Variants in EBF1 observed in about 807,000 individuals in gnomAD.
EBF1 encodes transcription factor COE1.
EBF1 carries 10 observed loss-of-function variants against 68.4 expected under a neutral mutation model. The ratio of observed to expected loss-of-function variants is 0.15; its 90% CI spans 0.09 to 0.25. The LOEUF (loss-of-function observed/expected upper bound fraction) is 0.25. Ranked by LOEUF, EBF1 falls within the 10% of genes least tolerant of loss-of-function variation. EBF1 has a pLI of 1.00. For missense variants in EBF1, 509 were observed against 794.4 expected, an observed-to-expected ratio of 0.64 and a Z score of 4.32; for synonymous variants, 298 against 299.8, an observed-to-expected ratio of 0.99 and a Z score of 0.06.
intron 8 of EBF1, among the ~76,000 whole-genome samples, chr5:158,806,865 G>T (rs1006356352): frequency 1.3e-5 from 2 of 152,070 alleles, no homozygotes; most frequent in Non-Finnish European, 2.9e-5. Flanking sequence ...CCTAAATGAG[G>T]ACAGCTGACT....
chr5:158,827,291 T>C (rs970166631), intron 7 of EBF1, among the ~76,000 whole-genome samples: 2 of 152,230 alleles, frequency 1.3e-5, no homozygotes, highest in Admixed American at 6.5e-5. Flanking sequence ...GTTTCTTCTA[T>C]GTCCACTGCT....
chr5:158,765,254 A>G (rs943943761), intron 10 of EBF1, among the ~76,000 whole-genome samples: 2 of 152,300 alleles, frequency 1.3e-5, no homozygotes, highest in Admixed American at 1.3e-4. Context: ...GTAGAGAATT[A>G]TGAGAATTAC....
intron 6 of EBF1, among the ~76,000 whole-genome samples, chr5:158,888,670 C>T (rs1800525211): frequency 6.6e-6 from 1 of 152,060 alleles, no homozygotes; most frequent in African/African-American, 2.4e-5. Flanking sequence ...GAGAAGTCTG[C>T]AGTGGGAAAA....
chr5:158,886,836 T>C (rs956522467), intron 6 of EBF1, among the ~76,000 whole-genome samples: 2 of 152,152 alleles, frequency 1.3e-5, no homozygotes, highest in East Asian at 1.9e-4. Context: ...ACACGGTCTC[T>C]ACTACAAATA....
intron 5 of EBF1, among the ~76,000 whole-genome samples, chr5:159,080,284 C>T (rs144532296): frequency 6.6e-6 from 1 of 152,296 alleles, no homozygotes; most frequent in Non-Finnish European, 1.5e-5. Flanking sequence ...TTCCTCCCTT[C>T]TCTGAATAGA....
At chr5:158,945,970 AT>A (rs1814578792) in intron 6 of EBF1, among the ~76,000 whole-genome samples, 1 of 152,024 alleles carries the variant, frequency 6.6e-6, no homozygotes, top group African/African-American at 2.4e-5. Flanking sequence ...CACTTGATCA[AT>A]TTGGCTATTG....
intron 9 of EBF1, among the ~76,000 whole-genome samples, chr5:158,778,647 A>G (rs1775794265): frequency 6.6e-6 from 1 of 152,184 alleles, no homozygotes; most frequent in African/African-American, 2.4e-5. Context: ...GATGCGGCCA[A>G]TGGGTCCCTG....
intron 6 of EBF1, among the ~76,000 whole-genome samples, chr5:158,901,016 G>C (rs185342753): frequency 6.6e-6 from 1 of 152,260 alleles, no homozygotes; most frequent in African/African-American, 2.4e-5. Context: ...CTCAGATTCT[G>C]TTTATGCTCT....
At chr5:159,031,884 T>G (rs1332753547) in intron 6 of EBF1, among the ~76,000 whole-genome samples, 1 of 149,798 alleles carries the variant, frequency 6.7e-6, no homozygotes, top group Non-Finnish European at 1.5e-5. Context: ...CACTTTTAGT[T>G]AAAATATAAA....
At chr5:159,022,744 CA>C (rs1766958231) in intron 6 of EBF1, among the ~76,000 whole-genome samples, 1 of 151,880 alleles carries the variant, frequency 6.6e-6, no homozygotes, top group African/African-American at 2.4e-5. Flanking sequence ...GCTATTTAGG[CA>C]ATGCAACGCC....
chr5:158,895,067 C>CTTGTCCAAATTTATTTACCA (rs754476375), intron 6 of EBF1, among the ~76,000 whole-genome samples: 14 of 152,154 alleles, frequency 9.2e-5, no homozygotes, highest in Non-Finnish European at 1.6e-4. Flanking sequence ...CTATAAGAAT[C>CTTGTCCAAATTTATTTACCA]TTGTCCAAAT....
intron 8 of EBF1, among the ~76,000 whole-genome samples, chr5:158,804,199 A>G (rs1186189640): frequency 6.6e-6 from 1 of 151,852 alleles, no homozygotes; most frequent in African/African-American, 2.4e-5. Flanking sequence ...CACAGGCACT[A>G]TTTGGAAATG....
chr5:159,068,751 C>T lies in EBF1; in HGVS notation c.554+4645G>A, dbSNP rs183143481. ...AGATAATCATAAAACAAACCCAATT[C>T]GTGTTACCTAAATGGAAGTGATCTA... On this transcript the variant is annotated intron_variant, in intron 6 of 15. Coordinates refer to ENST00000313708, the MANE Select transcript of EBF1 (RefSeq NM_024007.5). 9.7e-4 allele frequency among the ~76,000 whole-genome samples: 148 copies of T among 152,114 alleles called. 1 individual carries two copies. Among genetic ancestry groups the T allele is most frequent in the African/African-American group, 3.3e-3 (136 of 41,520 alleles).
Position 159,096,150 on chromosome 5 carries a change from G to C in EBF1, c.355+193C>G. 9 of 619,542 alleles carry C rather than the reference G, an allele frequency of 1.5e-5. No homozygotes were observed. In the South Asian group the frequency reaches 1.6e-4, roughly 11 times the overall value. 38.4% of individuals were successfully genotyped at this position (619,542 alleles called of 1,614,324 possible). The stretch of plus-strand genomic sequence containing the variant: ...CCTGGCCCCAGGTAAACGCGAGACC[G>C]ATAAGGCTCTTGGGCCACTAGGAGC... On this transcript the variant is annotated intron_variant, in intron 3 of 15. Coordinates refer to ENST00000313708, the MANE Select transcript of EBF1 (RefSeq NM_024007.5).
At chr5:158,736,193 G>A (rs75380904) in intron 10 of EBF1, among the ~76,000 whole-genome samples, 2,590 of 152,260 alleles carry the variant, frequency 0.017, 78 homozygotes, top group African/African-American at 0.06. Context: ...CAAGCCAGAT[G>A]CATTCTCAGT....
At chr5:158,864,431 A>T (rs1795506835) in intron 6 of EBF1, among the ~76,000 whole-genome samples, 1 of 152,062 alleles carries the variant, frequency 6.6e-6, no homozygotes, top group South Asian at 2.1e-4. Context: ...ATGAGGAATA[A>T]ATATTGGAGT....
chr5:158,955,271 C>T (rs905403657), intron 6 of EBF1, among the ~76,000 whole-genome samples: 1 of 151,508 alleles, frequency 6.6e-6, no homozygotes, highest in African/African-American at 2.4e-5. Flanking sequence ...TGTAGTGAGC[C>T]GAGATTGCAC....
At chr5:158,948,849 T>G (rs1040983658) in intron 6 of EBF1, among the ~76,000 whole-genome samples, 3 of 152,206 alleles carry the variant, frequency 2.0e-5, no homozygotes, top group African/African-American at 7.2e-5. Flanking sequence ...CTTCCTCCCC[T>G]ACTTCATTCC....
chr5:158,888,566 T>G (rs1295918689), intron 6 of EBF1, among the ~76,000 whole-genome samples: 2 of 152,316 alleles, frequency 1.3e-5, no homozygotes, highest in Middle Eastern at 3.4e-3. Flanking sequence ...CTATATCTTT[T>G]CAATTTAAAA....
Sources: gnomAD v4.1 joint callset for allele counts (sites outside exome capture counted in the v4.1 genomes callset) on GRCh38, gnomAD v4.1.1 for gene constraint, MANE v1.5 for transcripts, NCBI Gene and HGNC (gene_info 2026-07-23, HGNC 2026-07-21) for gene names.